ADGRL2: variants seen among roughly 807,000 people sequenced by gnomAD.
ADGRL2 encodes adhesion G protein-coupled receptor L2, also known as calcium-independent alpha-latrotoxin receptor 2.
In ADGRL2, 44 loss-of-function variants were observed where a neutral mutation model predicts 157.4. The observed-to-expected ratio is 0.28, with a 90% CI of 0.22 to 0.36. ADGRL2 has a LOEUF of 0.36. Ranked by LOEUF, ADGRL2 falls within the 10% of genes least tolerant of loss-of-function variation. The pLI is 1.00. For missense variants in ADGRL2, 1,510 were observed against 1,768.9 expected (o/e 0.85, Z 2.63); for synonymous variants, 585 against 624.7 (o/e 0.94, Z 0.95).
chr1:81,778,230 G>A (rs546421641), intron 2 of ADGRL2, among the ~76,000 whole-genome samples: 1 of 151,736 alleles, frequency 6.6e-6, no homozygotes, highest in African/African-American at 2.4e-5. Flanking sequence ...GGCTGAGCAG[G>A]AGAATGGCGT....
At chr1:81,813,807 T>C (rs1466444279) in intron 1 of ADGRL2, among the ~76,000 whole-genome samples, 1 of 151,802 alleles carries the variant, frequency 6.6e-6, no homozygotes, top group Non-Finnish European at 1.5e-5. Context: ...ATTACCTTTT[T>C]TCCCCCTAAT....
chr1:81,589,563 C>A (rs2081092147), intron 3 of ADGRL2, among the ~76,000 whole-genome samples: 1 of 152,150 alleles, frequency 6.6e-6, no homozygotes, highest in Admixed American at 6.6e-5. Flanking sequence ...GTTCAGTTGG[C>A]AGTACTCTGC....
chr1:81,956,070 TCTA>T lies in ADGRL2; in HGVS notation c.2017+13_2017+15del. 3 of 1,571,862 alleles carry T rather than the reference TCTA, an allele frequency of 1.9e-6. No individual in the cohort carries two copies. The highest frequency in any genetic ancestry group is 2.6e-6 in the Non-Finnish European group (3 of 1,160,674). On this transcript the variant is annotated intron_variant, in intron 11 of 23. Coordinates refer to ENST00000686636, the MANE Select transcript of ADGRL2 (RefSeq NM_001366006.2). ...CCCACAGAAAATATTGGTAAGTGAA[TCTA>T]CTGTCAAGTTTAATTTTGATTTAGG...
At chr1:81,721,551 T>G in intron 1 of ADGRL2, 1 of 440,204 alleles carries the variant, frequency 2.3e-6, no homozygotes, top group Non-Finnish European at 4.1e-6. Flanking sequence ...AGCCCAGGAG[T>G]TCAGGACCAG....
intron 3 of ADGRL2, among the ~76,000 whole-genome samples, chr1:81,603,095 C>G (rs1023353107): frequency 6.6e-6 from 1 of 152,056 alleles, no homozygotes; most frequent in African/African-American, 2.4e-5. Flanking sequence ...TTTTCTCCCT[C>G]TCTCCCTCAC....
At chr1:81,712,460 C>A (rs72715711) in intron 1 of ADGRL2, among the ~76,000 whole-genome samples, 4,214 of 152,154 alleles carry the variant, frequency 0.028, 82 homozygotes, top group South Asian at 0.051. Context: ...GACTTGGTGA[C>A]CTTACAGATA....
At chr1:81,374,417 C>T (rs1053332928) in intron 1 of ADGRL2, among the ~76,000 whole-genome samples, 4 of 151,894 alleles carry the variant, frequency 2.6e-5, no homozygotes, top group Non-Finnish European at 4.4e-5. Flanking sequence ...ACTAAAAGTA[C>T]AAAAATTAGC....
chr1:81,423,021 C>T (rs150915261), intron 1 of ADGRL2, among the ~76,000 whole-genome samples: 3 of 152,264 alleles, frequency 2.0e-5, no homozygotes, highest in East Asian at 1.9e-4. Flanking sequence ...CACTGGAAAT[C>T]TTTCAGAGAC....
chr1:81,597,008 A>T (rs1470247851), intron 3 of ADGRL2, among the ~76,000 whole-genome samples: 1 of 152,268 alleles, frequency 6.6e-6, no homozygotes, highest in Middle Eastern at 3.4e-3. Context: ...AATTCTACCA[A>T]ATAAGTATTT....
At chr1:81,337,462 A>C (rs1408532920) in intron 1 of ADGRL2, among the ~76,000 whole-genome samples, 1 of 152,162 alleles carries the variant, frequency 6.6e-6, no homozygotes, top group Non-Finnish European at 1.5e-5. Flanking sequence ...TGAAGGATTG[A>C]GAGCTGTGGG....
chr1:81,886,186 T>C (rs2094124268), intron 2 of ADGRL2, among the ~76,000 whole-genome samples: 2 of 152,176 alleles, frequency 1.3e-5, no homozygotes. Flanking sequence ...CTTTTTTGGG[T>C]GGGGAGACAA....
intron 2 of ADGRL2, among the ~76,000 whole-genome samples, chr1:81,575,020 C>T (rs1473876924): frequency 6.6e-6 from 1 of 152,166 alleles, no homozygotes; most frequent in Non-Finnish European, 1.5e-5. Context: ...ATTATACTTA[C>T]CTCTCTTTAG....
At chr1:81,439,500 G>T (rs1199167353) in intron 1 of ADGRL2, among the ~76,000 whole-genome samples, 1 of 152,172 alleles carries the variant, frequency 6.6e-6, no homozygotes, top group African/African-American at 2.4e-5. Context: ...CCCTCTATTA[G>T]GCATGCCAGG....
At chr1:81,338,364 A>AAAAAC (rs1292588468) in intron 1 of ADGRL2, among the ~76,000 whole-genome samples, 1 of 151,770 alleles carries the variant, frequency 6.6e-6, no homozygotes, top group Non-Finnish European at 1.5e-5. Context: ...CTGTGACTCA[A>AAAAAC]AAAACAAAAC....
intron 3 of ADGRL2, among the ~76,000 whole-genome samples, chr1:81,688,662 T>G (rs1557566972): frequency 6.6e-6 from 1 of 152,202 alleles, no homozygotes. Context: ...TCCTGAATTC[T>G]TTTTCAAGTA....
At chr1:81,481,636 C>T (rs2078390241) in intron 2 of ADGRL2, among the ~76,000 whole-genome samples, 1 of 152,144 alleles carries the variant, frequency 6.6e-6, no homozygotes, top group Non-Finnish European at 1.5e-5. Context: ...AATTGAACTA[C>T]CTGCTGAGAT....
intron 2 of ADGRL2, among the ~76,000 whole-genome samples, chr1:81,536,706 A>G (rs1215834795): frequency 2.0e-5 from 3 of 152,130 alleles, no homozygotes; most frequent in Non-Finnish European, 4.4e-5. Context: ...ACATGATCAG[A>G]CTTATAGTTA....
At chr1:81,785,318 A>C (rs1024625029) in intron 2 of ADGRL2, among the ~76,000 whole-genome samples, 1 of 152,166 alleles carries the variant, frequency 6.6e-6, no homozygotes, top group Admixed American at 6.5e-5. Flanking sequence ...GAGTATTTCA[A>C]TGAGACTACT....
chr1:81,830,628 C>T (rs1347242881), intron 1 of ADGRL2, among the ~76,000 whole-genome samples: 2 of 152,154 alleles, frequency 1.3e-5, no homozygotes, highest in Admixed American at 6.5e-5. Flanking sequence ...CTGCCTCAGC[C>T]TCCTGAGTAG....
Sources: allele counts gnomAD v4.1 joint callset (sites outside exome capture counted in the v4.1 genomes callset), GRCh38; gene constraint gnomAD v4.1.1; transcripts MANE v1.5; gene names NCBI Gene and HGNC (gene_info 2026-07-23, HGNC 2026-07-21).